SALL2: variants seen among roughly 807,000 people sequenced by gnomAD.
SALL2 encodes the protein sal-like protein 2.
Under a neutral mutation model 58.5 loss-of-function variants are expected in SALL2, and 32 were observed. That is an observed-to-expected ratio of 0.55 (90% CI 0.41 to 0.74). The LOEUF (loss-of-function observed/expected upper bound fraction) is 0.74, where lower values mean the gene tolerates loss of function less well. SALL2 is among the 30% of genes least tolerant of loss of function. SALL2 has a pLI of 0.00. For missense variants in SALL2, 1,201 were observed against 1,268.9 expected (o/e 0.95, Z 0.81); for synonymous variants, 516 against 513.6 (o/e 1.00, Z -0.06).
intron 1 of SALL2, among the ~76,000 whole-genome samples, chr14:21,536,505 G>A (rs1313140732): frequency 6.6e-6 from 1 of 152,148 alleles, no homozygotes. Flanking sequence ...CCGAAGAGAC[G>A]GTCTTCAGGT....
In SALL2 at chr14:21,523,368, C is replaced by A; in HGVS notation, c.2354G>T (p.Gly785Val). The A allele has an allele frequency of 6.2e-7, 1 of 1,613,620 alleles. No homozygotes were observed. The highest frequency in any genetic ancestry group is 8.5e-7 in the Non-Finnish European group (1 of 1,180,032). ...VTDEDSLAGR[G>V]SESGGEKAIS... is the part of the protein sequence containing the mutation. Reference sequence around the variant, plus strand: ...TGCCTTCTCACCTCCACTCTCTGAGCCTCTCCCTGCCAGGGAATCTTCATC... The same window carrying A: ...TGCCTTCTCACCTCCACTCTCTGAGACTCTCCCTGCCAGGGAATCTTCATC... Residue 785 changes from glycine (G) to valine (V), a missense_variant, in exon 2 of 2, where the codon GGC becomes GTC. Physicochemically the swap from Gly to Val is moderately radical, Grantham distance 109. Coordinates refer to ENST00000537235, the MANE Select transcript of SALL2 (RefSeq NM_001364564.1). The surrounding 1 kb of genome is among the most constrained non-coding windows in gnomAD (Gnocchi z 4.4).
chr14:21,524,382 C>T lies in SALL2; in HGVS notation c.1340G>A (p.Gly447Asp). ...EHLDYVITSS[G>D]LPYGMSVPPE... Reference sequence around the variant, plus strand: ...TGGCACGGACATACCATAAGGCAAGCCACTGCTGGTAATGACATAGTCTAG... The same window carrying T: ...TGGCACGGACATACCATAAGGCAAGTCACTGCTGGTAATGACATAGTCTAG... Residue 447 changes from glycine to aspartate, a missense_variant, in exon 2 of 2, where the codon GGC becomes GAC. Coordinates refer to ENST00000537235, the MANE Select transcript of SALL2 (RefSeq NM_001364564.1). The T allele has an allele frequency of 6.2e-7, 1 of 1,614,170 alleles. No homozygotes were observed. Among genetic ancestry groups the T allele is most frequent in the South Asian group, 1.1e-5 (1 of 91,084 alleles).
upstream of SALL2, chr14:21,526,589 G>A: frequency 1.7e-5 from 13 of 783,358 alleles, no homozygotes; most frequent in South Asian, 4.1e-5. Flanking sequence ...TCCTCCCCCC[G>A]CCCTCCCCTC....
In SALL2 at chr14:21,521,516, A is replaced by G. The variant is rs75874754; in HGVS notation, c.*1188T>C. The G allele has an allele frequency of 4.3e-3, 666 of 154,362 alleles. 23 individuals are homozygous for G. In the East Asian group the frequency reaches 0.091, roughly 21 times the overall value. The allele number at this position is 154,362 out of a possible 1,614,324, so 9.6% of individuals were successfully genotyped here. A position where few individuals can be genotyped will look rare whatever the true frequency, so the allele number is the denominator to read the frequency against. On this transcript the variant is annotated 3_prime_UTR_variant, in exon 2 of 2. Coordinates refer to ENST00000537235, the MANE Select transcript of SALL2 (RefSeq NM_001364564.1). ...TAGGAAATCCCCCATGATCCCTGGTACACCTCTGCACACTATGTCACTATT... is the reference window on the plus strand; with the variant it reads ...TAGGAAATCCCCCATGATCCCTGGTGCACCTCTGCACACTATGTCACTATT...
chr14:21,536,987 C>G, exon 1 of SALL2: 1 of 1,429,980 alleles, frequency 7.0e-7, no homozygotes, highest in Non-Finnish European at 9.9e-7. Flanking sequence ...GTGACCTGGT[C>G]TCGTCTCCCC....
chr14:21,536,160 C>A (rs1455513147), intron 1 of SALL2, among the ~76,000 whole-genome samples: 1 of 152,224 alleles, frequency 6.6e-6, no homozygotes, highest in Non-Finnish European at 1.5e-5. Flanking sequence ...AACACGGTAT[C>A]CTCATAAAAT....
chr14:21,533,359 C>T (rs1385719814), intron 1 of SALL2, among the ~76,000 whole-genome samples: 4 of 152,168 alleles, frequency 2.6e-5, no homozygotes, highest in African/African-American at 4.8e-5. Context: ...GCCCCCAAAA[C>T]TCTACCTTTG....
At chr14:21,526,536 G>T, upstream of SALL2, 1 of 1,125,226 alleles carries the variant, frequency 8.9e-7, no homozygotes, top group Non-Finnish European at 1.1e-6. Flanking sequence ...CCGGTCCCTG[G>T]CCAGCTCCCC....
intron 1 of SALL2, among the ~76,000 whole-genome samples, chr14:21,534,871 G>C (rs955940773): frequency 2.0e-5 from 3 of 152,170 alleles, no homozygotes; most frequent in Non-Finnish European, 4.4e-5. Flanking sequence ...TCCCAGAAAA[G>C]CAGTGTTTCG....
At chr14:21,530,544 T>C (rs1892435056), upstream of SALL2, among the ~76,000 whole-genome samples, 1 of 152,164 alleles carries the variant, frequency 6.6e-6, no homozygotes, top group Non-Finnish European at 1.5e-5. Flanking sequence ...AACCTCGGCC[T>C]CCCAAAGTGT....
chr14:21,523,826 G>A lies in SALL2; in HGVS notation c.1896C>T (p.Val632=). 1 of 1,614,194 alleles carries A rather than the reference G, an allele frequency of 6.2e-7. No homozygotes were observed. The highest frequency in any genetic ancestry group is 8.5e-7 in the Non-Finnish European group (1 of 1,180,028). Residue 632 remains valine, a synonymous_variant, in exon 2 of 2, where the codon GTC becomes GTT. Coordinates refer to ENST00000537235, the MANE Select transcript of SALL2 (RefSeq NM_001364564.1). This position sits in a 1 kb window ranked among gnomAD's most constrained non-coding sequence, Gnocchi z 4.4. ...SSASSGPNQC[V]ICLRVLSCPR... is the part of the protein sequence containing the mutation. Reference sequence around the variant, plus strand: ...GACAGCTAAGCACTCGGAGACAGATGACACACTGGTTAGGTCCAGAAGAGG... The same window carrying A: ...GACAGCTAAGCACTCGGAGACAGATAACACACTGGTTAGGTCCAGAAGAGG...
rs1371780168 is a variant in SALL2 at position 21,524,832 on chromosome 14, G to A, written c.890C>T (p.Thr297Ile). The A allele has an allele frequency of 1.9e-6, 3 of 1,612,496 alleles. No individual in the cohort carries two copies. Among genetic ancestry groups the A allele is most frequent in the East Asian group, 2.2e-5 (1 of 44,876 alleles). Residue 297 changes from threonine (T) to isoleucine (I), a missense_variant, in exon 2 of 2, where the codon ACC becomes ATC. Around this residue, in one of 3 missense-constraint regions of SALL2, gnomAD observed 467 missense variants for 468.9 expected, o/e 1.00. Coordinates refer to ENST00000537235, the MANE Select transcript of SALL2 (RefSeq NM_001364564.1). ...TGGCAAGGCTGGGGAAGGGGCAGGG[G>A]TGGGTTTGTGGCTTCGCCCAACCCC... ...AGGVGRSHKP[T>I]PAPSPALPGS...
rs1205693812 is a variant in SALL2 at position 21,525,378 on chromosome 14, C to T, written c.344G>A (p.Arg115Lys). Residue 115 changes from arginine (R) to lysine (K), a missense_variant, in exon 2 of 2, where the codon AGA becomes AAA. Around this residue, in one of 3 missense-constraint regions of SALL2, gnomAD observed 467 missense variants for 468.9 expected, o/e 1.00. Transcript: ENST00000537235. This position sits in a 1 kb window ranked among gnomAD's most constrained non-coding sequence, Gnocchi z 4.4. ...GAAATGCCCTGAAGACTCCTCTCCT[C>T]TCCTCTCTGGGCCCCAGGTGGGATC... ...PTDPTWGPERRGEESSGHFLV... is the reference protein window; with the variant it reads ...PTDPTWGPERKGEESSGHFLV... The T allele has an allele frequency of 1.2e-6, 2 of 1,614,008 alleles. No individual in the cohort carries two copies. Among genetic ancestry groups the T allele is most frequent in the East Asian group, 2.2e-5 (1 of 44,888 alleles).
In SALL2 at chr14:21,531,785, A is replaced by C. The variant is rs1184404045; in HGVS notation, c.-114+5177T>G. On this transcript the variant is annotated intron_variant, in intron 1 of 1. Coordinates refer to the SALL2 transcript ENST00000541965. ...GCAATGGTCGCCCAGGCTGGAGTGCAATGGTGTGATCTCGGCTCACTGCAA... is the reference window on the plus strand; with the variant it reads ...GCAATGGTCGCCCAGGCTGGAGTGCCATGGTGTGATCTCGGCTCACTGCAA... Among the ~76,000 whole-genome samples the C allele has an allele frequency of 9.8e-5, 7 of 71,540 alleles. No homozygotes were observed. The East Asian group carries it at 3.3e-3, about 34-fold the overall frequency. The allele number at this position is 71,540 out of a possible 152,430, so 46.9% of individuals were successfully genotyped here.
Position 21,535,073 on chromosome 14 carries a change from C to T in SALL2, c.-114+1889G>A, listed in dbSNP as rs140780866. ...ATAAAGAAATGCTGATGGCCGGGAG[C>T]GGTGGCTCACGCCTGTAATCCCAGC... On this transcript the variant is annotated intron_variant, in intron 1 of 1. Transcript: ENST00000541965. 5.9e-3 allele frequency among the ~76,000 whole-genome samples: 904 copies of T among 152,178 alleles called. 7 individuals carry two copies. Among genetic ancestry groups the T allele is most frequent in the Non-Finnish European group, 8.6e-3 (582 of 67,986 alleles).
rs142622728 is a variant in SALL2, at chr14:21,524,387, G to A, written c.1335C>T (p.Ser445=). ...CGGACATACCATAAGGCAAGCCACT[G>A]CTGGTAATGACATAGTCTAGGTGCT... The part of the protein sequence containing the change: ...VPEHLDYVIT[S]SGLPYGMSVP... Residue 445 remains serine, a synonymous_variant, in exon 2 of 2, where the codon AGC becomes AGT. Transcript: ENST00000537235. The A allele has an allele frequency of 1.2e-6, 2 of 1,614,196 alleles. No individual in the cohort carries two copies. Among genetic ancestry groups the A allele is most frequent in the Admixed American group, 1.7e-5 (1 of 60,028 alleles).
Position 21,522,865 on chromosome 14 carries a change from G to C in SALL2, c.2857C>G (p.Leu953Val). The change falls in exon 2 of 2, where the codon CTC (leucine) becomes GTC (valine). Residue 953 changes from leucine (L) to valine (V), a missense_variant. This residue lies in a region of SALL2 where 675 missense variants were observed against 683.8 expected (regional missense o/e 0.99). Coordinates refer to ENST00000537235, the MANE Select transcript of SALL2 (RefSeq NM_001364564.1). The part of the protein sequence containing the change: ...CRQGFLERAT[L>V]KKHMLLAHHQ... Reference sequence around the variant, plus strand: ...TGTGCCAGGAGCATATGCTTCTTGAGGGTAGCCCGCTCAAGAAAGCCCTGC... The same window carrying C: ...TGTGCCAGGAGCATATGCTTCTTGACGGTAGCCCGCTCAAGAAAGCCCTGC... 6.2e-7 allele frequency: 1 copy of C among 1,611,026 alleles called. No individual in the cohort carries two copies. The highest frequency in any genetic ancestry group is 8.5e-7 in the Non-Finnish European group (1 of 1,178,398).
Position 21,525,978 on chromosome 14 carries a change from C to T in SALL2, c.67+83G>A, listed in dbSNP as rs1892286674. On this transcript the variant is annotated intron_variant, in intron 1 of 1. Coordinates refer to ENST00000537235, the MANE Select transcript of SALL2 (RefSeq NM_001364564.1). The surrounding 1 kb of genome is among the most constrained non-coding windows in gnomAD (Gnocchi z 4.4). The stretch of plus-strand genomic sequence containing the variant: ...GCCTACGCAGAGAATCATGCATTTT[C>T]TCCCACCCACCGAAAGTCTTCGCCG... The T allele has an allele frequency of 1.6e-6, 2 of 1,268,476 alleles. No homozygotes were observed. The highest frequency in any genetic ancestry group is 1.5e-5 in the African/African-American group (1 of 67,642). 78.6% of individuals were successfully genotyped at this position (1,268,476 alleles called of 1,614,324 possible).
At position 21,522,921 on chromosome 14, in the gene SALL2, T is replaced by G. The variant is rs1354702104; in HGVS notation, c.2801A>C (p.Glu934Ala). Residue 934 changes from glutamate to alanine, a missense_variant, in exon 2 of 2, where the codon GAG becomes GCG. Physicochemically the swap from Glu to Ala is moderately radical, Grantham distance 107. Transcript: ENST00000537235. ...LEEHQKTHPK[E>A]GPLFTCVFCR... ...GAAAACACAAGTGAAGAGCGGCCCC[T>G]CCTTGGGGTGGGTCTTCTGATGCTC... The G allele has an allele frequency of 6.2e-7, 1 of 1,613,884 alleles. No homozygotes were observed. The highest frequency in any genetic ancestry group is 2.2e-5 in the East Asian group (1 of 44,870).
Sources: allele counts gnomAD v4.1 joint callset (sites outside exome capture counted in the v4.1 genomes callset), GRCh38; gene constraint gnomAD v4.1.1; regional missense constraint gnomAD v4.1.1; non-coding constraint Gnocchi (gnomAD v3.1); transcripts MANE v1.5; gene names NCBI Gene and HGNC (gene_info 2026-07-23, HGNC 2026-07-21).